The following CDH13 variants were observed in gnomAD, a reference collection of about 807,000 sequenced individuals.
CDH13 encodes cadherin 13.
A neutral mutation model predicts 63.8 loss-of-function variants in CDH13; 24 were observed. The observed-to-expected ratio is 0.38, with a 90% CI of 0.27 to 0.53. The LOEUF (loss-of-function observed/expected upper bound fraction) is 0.53, where lower values mean the gene tolerates loss of function less well. CDH13 is among the 20% of genes least tolerant of loss of function. The pLI, the probability that CDH13 is intolerant of heterozygous loss-of-function variation, is 0.85. For synonymous variants in CDH13, 503 were observed against 355.3 expected, an observed-to-expected ratio of 1.42 and a Z score of -4.67; for missense variants, 1,049 against 903.1, an observed-to-expected ratio of 1.16 and a Z score of -2.07.
At chr16:83,204,332 C>G (rs1379751684) in intron 4 of CDH13, among the ~76,000 whole-genome samples, 1 of 152,206 alleles carries the variant, frequency 6.6e-6, no homozygotes, top group Non-Finnish European at 1.5e-5. Flanking sequence ...CTCTGTAAAA[C>G]AGATTATTAC....
intron 1 of CDH13, among the ~76,000 whole-genome samples, chr16:82,691,585 C>G (rs188816325): frequency 6.6e-6 from 1 of 152,250 alleles, no homozygotes; most frequent in East Asian, 1.9e-4. Context: ...AATAAACTAC[C>G]TGTATCCAGG....
intron 6 of CDH13, among the ~76,000 whole-genome samples, chr16:83,379,938 T>TATATATATATATATAGAGAGAGAGAGAG: frequency 3.6e-4 from 45 of 123,434 alleles, no homozygotes; most frequent in African/African-American, 1.2e-3. Flanking sequence ...TATATATATA[T>TATATATATATATATAGAGAGAGAGAGAG]AGAGAGAGAG....
intron 4 of CDH13, among the ~76,000 whole-genome samples, chr16:83,167,691 CTT>C (rs139871148): frequency 1.4e-5 from 2 of 147,990 alleles, no homozygotes; most frequent in South Asian, 2.2e-4. Flanking sequence ...TATTTCATTG[CTT>C]TTTTTTTTAA....
chr16:83,561,744 T>C (rs77667246), intron 7 of CDH13, among the ~76,000 whole-genome samples: 4,151 of 152,280 alleles, frequency 0.027, 116 homozygotes, highest in African/African-American at 0.066. Flanking sequence ...TTATTGTTCA[T>C]GGTATATGCG....
At chr16:83,688,616 C>G (rs1465698814) in intron 10 of CDH13, among the ~76,000 whole-genome samples, 2 of 151,996 alleles carry the variant, frequency 1.3e-5, no homozygotes, top group Non-Finnish European at 2.9e-5. Flanking sequence ...TTTTTTGGTT[C>G]TTGTTTTTAA....
At chr16:83,232,298 G>A (rs1473433704) in intron 5 of CDH13, among the ~76,000 whole-genome samples, 1 of 147,120 alleles carries the variant, frequency 6.8e-6, no homozygotes, top group African/African-American at 2.5e-5. Context: ...GCTGAGGCGA[G>A]CAGATCACTT....
chr16:83,465,124 G>A (rs1407999053), intron 6 of CDH13, among the ~76,000 whole-genome samples: 1 of 152,154 alleles, frequency 6.6e-6, no homozygotes, highest in Non-Finnish European at 1.5e-5. Flanking sequence ...AGGGTTGCGG[G>A]GATTCATTAA....
rs61502447 is a variant in CDH13, at chr16:83,560,907, C to A, written c.961-41547C>A. Among the ~76,000 whole-genome samples, 276 of 152,116 alleles carry A rather than the reference C, an allele frequency of 1.8e-3. 1 individual carries two copies. The highest frequency in any genetic ancestry group is 6.3e-3 in the African/African-American group (260 of 41,536). ...AGTGTACCATAAGGTTGGCCCCCCC[C>A]CCGCCCCAGGGGCTGAGGGTTGGGC... On this transcript the variant is annotated intron_variant, in intron 7 of 13. Transcript: ENST00000567109.
At chr16:82,793,552 G>A (rs1248221760) in intron 1 of CDH13, among the ~76,000 whole-genome samples, 1 of 152,190 alleles carries the variant, frequency 6.6e-6, no homozygotes, top group South Asian at 2.1e-4. Flanking sequence ...TCATTTCCAT[G>A]TCAGTCTGCC....
chr16:82,772,006 C>T (rs958742121), intron 1 of CDH13, among the ~76,000 whole-genome samples: 1 of 152,198 alleles, frequency 6.6e-6, no homozygotes, highest in African/African-American at 2.4e-5. Flanking sequence ...TCAGATGCTT[C>T]TGTACTTCAT....
chr16:83,436,521 T>C (rs1184087988), intron 6 of CDH13, among the ~76,000 whole-genome samples: 2 of 152,208 alleles, frequency 1.3e-5, no homozygotes, highest in Non-Finnish European at 2.9e-5. Flanking sequence ...TACTGTGTTG[T>C]CTTCATGCCA....
intron 6 of CDH13, among the ~76,000 whole-genome samples, chr16:83,386,569 C>G (rs1261940683): frequency 6.6e-6 from 1 of 152,182 alleles, no homozygotes; most frequent in South Asian, 2.1e-4. Context: ...ATTACCCACC[C>G]TACTTGAGGA....
chr16:82,977,081 C>G lies in CDH13; in HGVS notation c.158-54929C>G, dbSNP rs568572028. Among the ~76,000 whole-genome samples the G allele has an allele frequency of 2.5e-3, 374 of 152,232 alleles. 2 individuals are homozygous for G. Among genetic ancestry groups the G allele is most frequent in the Middle Eastern group, 0.017 (5 of 294 alleles). ...GAATTTTTAAAACAACTAAATATAC[C>G]TCTGGAATACACTTTACAAATTTAT... On this transcript the variant is annotated intron_variant, in intron 2 of 13. Transcript: ENST00000567109.
chr16:83,027,101 G>GCCC (rs1386342125), intron 2 of CDH13, among the ~76,000 whole-genome samples: 6 of 118,556 alleles, frequency 5.1e-5, no homozygotes, highest in South Asian at 2.8e-4. Context: ...ACAGAAGGGA[G>GCCC]ACCCCCCCCC....
At chr16:83,262,018 C>T (rs1057060881) in intron 5 of CDH13, among the ~76,000 whole-genome samples, 10 of 152,158 alleles carry the variant, frequency 6.6e-5, no homozygotes, top group Non-Finnish European at 1.0e-4. Context: ...GAAGGCTTCA[C>T]GTCTGAGGTT....
intron 1 of CDH13, among the ~76,000 whole-genome samples, chr16:82,756,510 CA>C (rs2034616702): frequency 6.6e-6 from 1 of 152,084 alleles, no homozygotes. Flanking sequence ...GTTCCTTGCC[CA>C]AGTTTCTCAG....
chr16:83,403,759 C>T (rs1317530833), intron 6 of CDH13, among the ~76,000 whole-genome samples: 1 of 152,096 alleles, frequency 6.6e-6, no homozygotes, highest in Non-Finnish European at 1.5e-5. Context: ...TGATGGAGAA[C>T]ATCATAAAGC....
At chr16:83,273,247 A>G (rs2088880830) in intron 5 of CDH13, among the ~76,000 whole-genome samples, 1 of 152,056 alleles carries the variant, frequency 6.6e-6, no homozygotes, top group Non-Finnish European at 1.5e-5. Context: ...ATTGCATGTC[A>G]CAGAGGTTTG....
chr16:83,263,792 G>T (rs1907264254), intron 5 of CDH13, among the ~76,000 whole-genome samples: 1 of 152,110 alleles, frequency 6.6e-6, no homozygotes, highest in Admixed American at 6.5e-5. Flanking sequence ...AGCCACTTAA[G>T]TTGGCTTCAC....
Sources: gnomAD v4.1 joint callset for allele counts (sites outside exome capture counted in the v4.1 genomes callset) on GRCh38, gnomAD v4.1.1 for gene constraint, MANE v1.5 for transcripts, NCBI Gene and HGNC (gene_info 2026-07-23, HGNC 2026-07-21) for gene names.